Variants in HRAS observed in about 807,000 individuals in gnomAD.
HRAS encodes GTPase HRas.
In HRAS, 11 loss-of-function variants were observed where a neutral mutation model predicts 19.8. The observed-to-expected ratio is 0.55, with a 90% CI of 0.35 to 0.92. The LOEUF is 0.92. Among genes scored for constraint, HRAS ranks in the 40% least tolerant of loss-of-function variants. The pLI is 0.01. For missense variants in HRAS, 204 were observed against 255.9 expected, an observed-to-expected ratio of 0.80 and a Z score of 1.38; for synonymous variants, 149 against 105.5, an observed-to-expected ratio of 1.41 and a Z score of -2.52.
At chr11:534,077 C>T (rs1564789909) in intron 2 of HRAS, 133 bp from the exon 3 acceptor site, 15 of 1,188,974 alleles carry the variant, frequency 1.3e-5, no homozygotes, top group Non-Finnish European at 1.7e-5. Context: ...GAGGGACTCC[C>T]CTCCTCTAGA....
intron 2 of HRAS, 95 bp from the exon 3 acceptor site, chr11:534,039 G>T: frequency 2.2e-6 from 3 of 1,380,298 alleles, no homozygotes; most frequent in East Asian, 2.3e-5. Context: ...TGCCCCTCAT[G>T]CCCCCTCCTC....
At position 534,337 on chromosome 11, in the gene HRAS, C is replaced by T. The variant is rs748789214; in HGVS notation, c.-15G>A. 14 of 1,605,176 alleles carry T rather than the reference C, an allele frequency of 8.7e-6. No homozygotes were observed. Among genetic ancestry groups the T allele is most frequent in the East Asian group, 6.7e-5 (3 of 44,864 alleles). On this transcript the variant is annotated 5_prime_UTR_variant, in exon 2 of 6. Transcript: ENST00000311189. ...TATTCCGTCATCGCTCCTCAGGGGC[C>T]TGCGGCCCGGGGTCCTCCTACAGGG... is the stretch of plus-strand genomic sequence containing the variant.
At position 532,318 on chromosome 11, in the gene HRAS, G is replaced by A; in HGVS notation, c.*210C>T. On this transcript the variant is annotated 3_prime_UTR_variant, in exon 6 of 6. Coordinates refer to ENST00000311189, the MANE Select transcript of HRAS (RefSeq NM_005343.4). ...CACAGAGGCCTGGGAGGGGAGCTAA[G>A]GGCTGGGGTTCCGGTGGCATTTGGG... The A allele has an allele frequency of 2.0e-6, 1 of 506,978 alleles. No individual in the cohort carries two copies. Among genetic ancestry groups the A allele is most frequent in the East Asian group, 3.4e-5 (1 of 29,606 alleles). The allele number at this position is 506,978 out of a possible 1,614,324, so 31.4% of individuals were successfully genotyped here. A position where few individuals can be genotyped will look rare whatever the true frequency, so the allele number is the denominator to read the frequency against.
chr11:532,794 T>C, intron 4 of HRAS, 39 bp from the exon 5 acceptor site: 2 of 1,603,004 alleles, frequency 1.2e-6, no homozygotes, highest in Non-Finnish European at 1.7e-6. Flanking sequence ...GACCGGCCTG[T>C]GGCCGCCTGC....
chr11:534,814 A>G (rs1851358221), intron 1 of HRAS, among the ~76,000 whole-genome samples: 1 of 152,070 alleles, frequency 6.6e-6, no homozygotes, highest in African/African-American at 2.4e-5. Flanking sequence ...TCCGACAAGT[A>G]TTTGCTGAGC....
At chr11:532,589 T>G (rs921961629) in intron 5 of HRAS, 42 bp downstream of exon 5, 1 of 1,579,508 alleles carries the variant, frequency 6.3e-7, no homozygotes. Context: ...GGAGCCGGGG[T>G]CATCCGGTGG....
intron 5 of HRAS, 30 bp from the exon 6 acceptor site, chr11:532,552 C>A (rs938933407): frequency 6.4e-7 from 1 of 1,556,548 alleles, no homozygotes; most frequent in Non-Finnish European, 8.6e-7. Flanking sequence ...GGCTGCTGAC[C>A]GCAGGCCAGG....
In HRAS at chr11:534,395, TCAGCCAGGCCCAGGCC is replaced by T. The variant is rs1455449413; in HGVS notation, c.-53-36_-53-21del. 1 of 1,289,960 alleles carries T rather than the reference TCAGCCAGGCCCAGGCC, an allele frequency of 7.8e-7. No homozygotes were observed. The highest frequency in any genetic ancestry group is 1.5e-5 in the African/African-American group (1 of 68,466). 79.9% of individuals were successfully genotyped at this position (1,289,960 alleles called of 1,614,324 possible). A position where few individuals can be genotyped will look rare whatever the true frequency, so the allele number is the denominator to read the frequency against. On this transcript the variant is annotated intron_variant, in intron 1 of 5. Transcript: ENST00000311189. The stretch of plus-strand genomic sequence containing the variant: ...CCCCACCTGCCAAGGAGGGCCCTGC[TCAGCCAGGCCCAGGCC>T]CAGCCCCAGGCCCCACAGGGCAGCT...
chr11:534,724 C>G (rs965942345), intron 1 of HRAS: 18 of 266,650 alleles, frequency 6.8e-5, no homozygotes, highest in Non-Finnish European at 1.3e-4. Context: ...TCCTCCAGAA[C>G]AGGTCTGGCC....
chr11:534,571 T>C, intron 1 of HRAS, 196 bp from the exon 2 acceptor site: 1 of 582,800 alleles, frequency 1.7e-6, no homozygotes, highest in South Asian at 2.0e-5. Context: ...CCCCACTTGC[T>C]CTTAATGACC....
In HRAS at chr11:534,290, G is replaced by A. The variant is rs1162804656; in HGVS notation, c.33C>T (p.Ala11=). 4 of 1,613,188 alleles carry A rather than the reference G, an allele frequency of 2.5e-6. No individual in the cohort carries two copies. Among genetic ancestry groups the A allele is most frequent in the African/African-American group, 2.7e-5 (2 of 74,916 alleles). MTEYKLVVVG[A]GGVGKSALTI... ...TCAGCGCACTCTTGCCCACACCGCC[G>A]GCGCCCACCACCACCAGCTTATATT... The change falls in exon 2 of 6, where the codon GCC becomes GCT. Residue 11 remains alanine (A), a synonymous_variant. Transcript: ENST00000311189.
rs1313411661 is a variant in HRAS at position 532,478 on chromosome 11, T to TGCACCTCCTTCCTGCATCCG, written c.*30_*49dup. The stretch of plus-strand genomic sequence containing the variant: ...GTCCTTCCTTCCTCCTCCTTCCGTC[T>TGCACCTCCTTCCTGCATCCG]GCACCTCCTTCCTGCATCCGGCACC... On this transcript the variant is annotated 3_prime_UTR_variant, in exon 6 of 6. Transcript: ENST00000311189. 4.0e-6 allele frequency: 4 copies of TGCACCTCCTTCCTGCATCCG among 988,426 alleles called. No homozygotes were observed. The African/African-American group carries it at 4.8e-5, about 12-fold the overall frequency. The allele number at this position is 988,426 out of a possible 1,614,324, so 61.2% of individuals were successfully genotyped here.
chr11:533,109 G>A (rs1447854436), intron 4 of HRAS, among the ~76,000 whole-genome samples: 1 of 152,226 alleles, frequency 6.6e-6, no homozygotes, highest in Non-Finnish European at 1.5e-5. Context: ...GGGACACTCT[G>A]GGGACAAGAG....
At chr11:533,202 G>C (rs565330262) in intron 4 of HRAS, 496 of 1,320,914 alleles carry the variant, frequency 3.8e-4, no homozygotes, top group Non-Finnish European at 5.0e-4. Context: ...AGCTGTGTCG[G>C]CCCAGGACTG....
chr11:534,553 C>A, intron 1 of HRAS, 178 bp from the exon 2 acceptor site: 1 of 590,868 alleles, frequency 1.7e-6, no homozygotes, highest in Non-Finnish European at 3.0e-6. Flanking sequence ...GGAGGGCTGT[C>A]GCCTCGCCCC....
At position 533,854 on chromosome 11, in the gene HRAS, G is replaced by C. The variant is rs1370690781; in HGVS notation, c.202C>G (p.Arg68Gly). The C allele has an allele frequency of 1.2e-6, 2 of 1,613,308 alleles. No individual in the cohort carries two copies. The highest frequency in any genetic ancestry group is 1.7e-6 in the Non-Finnish European group (2 of 1,179,950). ...TAGQEEYSAM[R>G]DQYMRTGEGF... ...TCCCCGGTGCGCATGTACTGGTCCC[G>C]CATGGCGCTGTACTCCTCCTGGCCG... Residue 68 changes from arginine (R) to glycine (G), a missense_variant, in exon 3 of 6, where the codon CGG (arginine) becomes GGG (glycine). Around this residue, in one of 4 missense-constraint regions of HRAS, gnomAD observed 51 missense variants for 79.0 expected, o/e 0.65. Transcript: ENST00000311189.
chr11:535,171 C>T (rs1239524420), intron 1 of HRAS: 1 of 152,030 alleles, frequency 6.6e-6, no homozygotes, highest in African/African-American at 2.4e-5. Context: ...CCGTGCCCAG[C>T]GCGAGGCCAC....
At chr11:534,456 G>A in intron 1 of HRAS, 81 bp from the exon 2 acceptor site, 3 of 699,466 alleles carry the variant, frequency 4.3e-6, no homozygotes, top group Non-Finnish European at 7.3e-6. Context: ...GCCATCTGAA[G>A]GGCAAACCCA....
rs1005954332 is a variant in HRAS, at chr11:532,906, G to C, written c.451-151C>G. 1.1e-5 allele frequency: 9 copies of C among 815,212 alleles called. No individual in the cohort carries two copies. The African/African-American group carries it at 1.5e-4, about 14-fold the overall frequency. 50.5% of individuals were successfully genotyped at this position (815,212 alleles called of 1,614,324 possible). A position where few individuals can be genotyped will look rare whatever the true frequency, so the allele number is the denominator to read the frequency against. ...GGCCCACCACACACACGGGAAGCTG[G>C]ACTCTGGCCATCTCGAAGTGCCCAG... is the stretch of plus-strand genomic sequence containing the variant. On this transcript the variant is annotated intron_variant, in intron 4 of 5. Coordinates refer to ENST00000311189, the MANE Select transcript of HRAS (RefSeq NM_005343.4).
Sources: allele counts gnomAD v4.1 joint callset (sites outside exome capture counted in the v4.1 genomes callset), GRCh38; gene constraint gnomAD v4.1.1; regional missense constraint gnomAD v4.1.1; transcripts MANE v1.5; gene names NCBI Gene and HGNC (gene_info 2026-07-23, HGNC 2026-07-21).